The following SERPINA6 variants were observed in gnomAD, a reference collection of about 807,000 sequenced individuals.
SERPINA6 encodes serpin family A member 6, also known as corticosteroid-binding globulin.
In SERPINA6, 19 loss-of-function variants were observed where a neutral mutation model predicts 26.4. That is an observed-to-expected ratio of 0.72 (90% CI 0.50 to 1.06). The LOEUF is 1.06. Ranked by LOEUF, SERPINA6 falls within the 50% of genes least tolerant of loss-of-function variation. SERPINA6 has a pLI of 0.00. For missense variants in SERPINA6, 473 were observed against 504.0 expected (o/e 0.94, Z 0.59); for synonymous variants, 196 against 199.4 (o/e 0.98, Z 0.14).
chr14:94,310,243 C>T (rs1464105551), intron 2 of SERPINA6, among the ~76,000 whole-genome samples: 3 of 152,172 alleles, frequency 2.0e-5, no homozygotes, highest in South Asian at 4.1e-4. Flanking sequence ...GGCTTCTAAA[C>T]AAGGAAGTAG....
At chr14:94,315,592 A>C (rs1481755520) in intron 1 of SERPINA6, among the ~76,000 whole-genome samples, 1 of 152,226 alleles carries the variant, frequency 6.6e-6, no homozygotes, top group Non-Finnish European at 1.5e-5. Flanking sequence ...TGCTGTCTAC[A>C]AGAGACTCAT....
At chr14:94,318,433 T>C (rs1265754364) in intron 1 of SERPINA6, among the ~76,000 whole-genome samples, 1 of 152,144 alleles carries the variant, frequency 6.6e-6, no homozygotes, top group African/African-American at 2.4e-5. Flanking sequence ...TACAAAACTA[T>C]AATAATCAAA....
intron 2 of SERPINA6, among the ~76,000 whole-genome samples, chr14:94,310,940 C>A (rs1895519971): frequency 6.6e-6 from 1 of 152,216 alleles, no homozygotes; most frequent in Non-Finnish European, 1.5e-5. Context: ...ATTTCCCAGC[C>A]CAGGCTCCCT....
At chr14:94,322,110 C>A (rs1895692155) in intron 1 of SERPINA6, among the ~76,000 whole-genome samples, 1 of 152,202 alleles carries the variant, frequency 6.6e-6, no homozygotes, top group African/African-American at 2.4e-5. Context: ...AGTAACTCCC[C>A]CTGAGCTGGA....
At position 94,313,321 on chromosome 14, in the gene SERPINA6, T is replaced by A. The variant is rs78616415; in HGVS notation, c.613+715A>T. ...TCATGTCCAGGGGGAATTAAAGTTG[T>A]AGAGGGAATCATAATTGCTAATCGG... is the stretch of plus-strand genomic sequence containing the variant. On this transcript the variant is annotated intron_variant, in intron 2 of 4. Transcript: ENST00000341584. Among the ~76,000 whole-genome samples, 527 of 152,288 alleles carry A rather than the reference T, an allele frequency of 3.5e-3. 2 individuals carry two copies. Among genetic ancestry groups the A allele is most frequent in the African/African-American group, 0.012 (496 of 41,570 alleles).
chr14:94,306,068 T>A lies in SERPINA6; in HGVS notation c.1032+3A>T. 1 of 1,614,238 alleles carries A rather than the reference T, an allele frequency of 6.2e-7. No homozygotes were observed. Among genetic ancestry groups the A allele is most frequent in the Non-Finnish European group, 8.5e-7 (1 of 1,180,038 alleles). On this transcript the variant is annotated splice_donor_region_variant and intron_variant, in intron 4 of 4. Transcript: ENST00000341584. ...AGAAAAGGTGGGTTCCCATGACATT[T>A]ACCTTTGATGACTTCAGCTGGGCGT...
At chr14:94,319,957 A>G (rs1342958327) in intron 1 of SERPINA6, among the ~76,000 whole-genome samples, 1 of 152,230 alleles carries the variant, frequency 6.6e-6, no homozygotes. Flanking sequence ...ATATTTTCCC[A>G]CAATACAAAT....
chr14:94,323,307 T>G lies in SERPINA6; in HGVS notation c.-60A>C, dbSNP rs1194898404. ...CAGGCTGTTTCTGCTGGCTTGGTCC[T>G]GCTGTCCTGGACCCTAGCATGTGTA... On this transcript the variant is annotated 5_prime_UTR_variant, in exon 1 of 5. Coordinates refer to ENST00000341584, the MANE Select transcript of SERPINA6 (RefSeq NM_001756.4). 1.3e-5 allele frequency: 2 copies of G among 152,344 alleles called. No individual in the cohort carries two copies. Among genetic ancestry groups the G allele is most frequent in the Admixed American group, 1.3e-4 (2 of 15,274 alleles). 9.4% of individuals were successfully genotyped at this position (152,344 alleles called of 1,614,324 possible).
chr14:94,318,900 A>G lies in SERPINA6; in HGVS notation c.-19-4233T>C, dbSNP rs181062505. 5.9e-5 allele frequency among the ~76,000 whole-genome samples: 9 copies of G among 152,356 alleles called. No homozygotes were observed. In the East Asian group the frequency reaches 1.7e-3, roughly 29 times the overall value. The stretch of plus-strand genomic sequence containing the variant: ...TCACAGAATGGGAAAACATTTGCAA[A>G]TTTCATATCTGATAAGGAATTGATA... On this transcript the variant is annotated intron_variant, in intron 1 of 4. Transcript: ENST00000341584.
chr14:94,317,338 A>G (rs1261853639), intron 1 of SERPINA6, among the ~76,000 whole-genome samples: 1 of 152,238 alleles, frequency 6.6e-6, no homozygotes, highest in Non-Finnish European at 1.5e-5. Flanking sequence ...CCCTCGCATG[A>G]TAAAAACACA....
chr14:94,308,637 A>G (rs529349980), intron 3 of SERPINA6, among the ~76,000 whole-genome samples: 20 of 152,088 alleles, frequency 1.3e-4, no homozygotes, highest in African/African-American at 4.6e-4. Flanking sequence ...TGGAACTTGA[A>G]TCTCCCTGAG....
At chr14:94,316,060 G>C (rs1895609515) in intron 1 of SERPINA6, among the ~76,000 whole-genome samples, 1 of 152,108 alleles carries the variant, frequency 6.6e-6, no homozygotes, top group Non-Finnish European at 1.5e-5. Context: ...TTGGTATGTT[G>C]TGTTTCCATT....
intron 2 of SERPINA6, 112 bp downstream of exon 2, chr14:94,313,924 T>C (rs1233076327): frequency 1.8e-6 from 2 of 1,094,706 alleles, no homozygotes; most frequent in South Asian, 1.2e-5. Context: ...TTCCCAGATG[T>C]GTATGTGCTT....
chr14:94,319,902 T>C (rs1463200533), intron 1 of SERPINA6, among the ~76,000 whole-genome samples: 1 of 152,206 alleles, frequency 6.6e-6, no homozygotes, highest in Admixed American at 6.5e-5. Flanking sequence ...ACAATGTGAA[T>C]GTACTTTTAT....
At chr14:94,310,649 C>A (rs765556026) in intron 2 of SERPINA6, among the ~76,000 whole-genome samples, 1 of 152,104 alleles carries the variant, frequency 6.6e-6, no homozygotes, top group Non-Finnish European at 1.5e-5. Flanking sequence ...TGGGACTTGG[C>A]GGTACTCGTC....
chr14:94,317,481 T>C (rs1327182426), intron 1 of SERPINA6, among the ~76,000 whole-genome samples: 2 of 152,214 alleles, frequency 1.3e-5, no homozygotes, highest in African/African-American at 2.4e-5. Flanking sequence ...CTCTCTCTCC[T>C]GATCCGATGT....
At position 94,304,587 on chromosome 14, in the gene SERPINA6, AC is replaced by A. The variant is rs1248162337; in HGVS notation, c.1048del (p.Val350CysfsTer19). On this transcript the variant is annotated frameshift_variant, in exon 5 of 5. Coordinates refer to ENST00000341584, the MANE Select transcript of SERPINA6 (RefSeq NM_001756.4). LOFTEE classifies it low-confidence loss of function (END_TRUNC). Reference sequence around the variant, plus strand: ...CACACCCTCCTCATTGAGTTGCAGCACAGCTTTATGGACCACCTGTTAGGTA... The same window carrying A: ...CACACCCTCCTCATTGAGTTGCAGCAAGCTTTATGGACCACCTGTTAGGTA... ...LKSSKVVHKA[V>X]LQLNEEGVDT... 1.2e-6 allele frequency: 2 copies of A among 1,614,046 alleles called. No homozygotes were observed. The highest frequency in any genetic ancestry group is 2.7e-5 in the African/African-American group (2 of 74,934).
In SERPINA6 at chr14:94,314,105, T is replaced by A; in HGVS notation, c.544A>T (p.Ile182Phe). ...TCCAGCCCTGAAAACAAGTCGACAATTTTCCCCTGTGTCTTATTCTTGACA... is the reference window on the plus strand; with the variant it reads ...TCCAGCCCTGAAAACAAGTCGACAAATTTCCCCTGTGTCTTATTCTTGACA... ...SYVKNKTQGK[I>F]VDLFSGLDSP... The change falls in exon 2 of 5, where the codon ATT becomes TTT. Residue 182 changes from isoleucine (I) to phenylalanine (F), a missense_variant. Coordinates refer to ENST00000341584, the MANE Select transcript of SERPINA6 (RefSeq NM_001756.4). 1 of 1,614,162 alleles carries A rather than the reference T, an allele frequency of 6.2e-7. No individual in the cohort carries two copies. Among genetic ancestry groups the A allele is most frequent in the Non-Finnish European group, 8.5e-7 (1 of 1,180,020 alleles).
At chr14:94,322,594 A>C (rs531433506) in intron 1 of SERPINA6, among the ~76,000 whole-genome samples, 1 of 152,356 alleles carries the variant, frequency 6.6e-6, no homozygotes, top group Admixed American at 6.5e-5. Flanking sequence ...ATTTCATGTC[A>C]AGTATGCCCT....
Sources: allele counts gnomAD v4.1 joint callset (sites outside exome capture counted in the v4.1 genomes callset), GRCh38; gene constraint gnomAD v4.1.1; transcripts MANE v1.5; gene names NCBI Gene and HGNC (gene_info 2026-07-23, HGNC 2026-07-21).